The following CNOT4 variants were observed in gnomAD, a reference collection of about 807,000 sequenced individuals.
CNOT4 encodes CCR4-NOT transcription complex subunit 4.
Under a neutral mutation model 73.8 loss-of-function variants are expected in CNOT4, and 8 were observed. The ratio of observed to expected loss-of-function variants is 0.11; its 90% CI spans 0.06 to 0.20. CNOT4 has a LOEUF of 0.20. CNOT4 is among the 10% of genes least tolerant of loss of function. The pLI is 1.00. For missense variants in CNOT4, 564 were observed against 883.4 expected, an observed-to-expected ratio of 0.64 and a Z score of 4.58; for synonymous variants, 293 against 321.1, an observed-to-expected ratio of 0.91 and a Z score of 0.94.
chr7:135,407,396 T>C (rs1373810122), intron 7 of CNOT4, among the ~76,000 whole-genome samples: 1 of 152,090 alleles, frequency 6.6e-6, no homozygotes, highest in African/African-American at 2.4e-5. Context: ...TCTCAATAAA[T>C]GAGGAATAAC....
chr7:135,391,702 A>G (rs1796410766), intron 10 of CNOT4, among the ~76,000 whole-genome samples: 1 of 152,044 alleles, frequency 6.6e-6, no homozygotes, highest in South Asian at 2.1e-4. Context: ...TAAACTCACT[A>G]ATCAGCGATT....
chr7:135,451,613 AG>A (rs1800171607), intron 1 of CNOT4, among the ~76,000 whole-genome samples: 1 of 152,168 alleles, frequency 6.6e-6, no homozygotes, highest in Non-Finnish European at 1.5e-5. Context: ...ACACTAAAAA[AG>A]AAATCATACA....
chr7:135,464,032 A>AAAAC (rs1223539013), intron 1 of CNOT4, among the ~76,000 whole-genome samples: 1 of 151,554 alleles, frequency 6.6e-6, no homozygotes, highest in African/African-American at 2.4e-5. Context: ...GTCAAAAAAA[A>AAAAC]AAAAAAAACA....
At chr7:135,378,755 G>A (rs531947354) in intron 10 of CNOT4, among the ~76,000 whole-genome samples, 105 of 152,148 alleles carry the variant, frequency 6.9e-4, no homozygotes, top group Non-Finnish European at 1.2e-3. Flanking sequence ...GGTGGCCAAG[G>A]CACATGGATC....
intron 1 of CNOT4, among the ~76,000 whole-genome samples, chr7:135,506,188 G>C (rs1384382065): frequency 6.6e-6 from 1 of 152,136 alleles, no homozygotes; most frequent in Non-Finnish European, 1.5e-5. Context: ...ATCTCAGAAT[G>C]TGTTAAACAA....
intron 10 of CNOT4, chr7:135,388,024 C>T: frequency 3.0e-6 from 3 of 985,286 alleles, no homozygotes; most frequent in Non-Finnish European, 3.6e-6. Context: ...TTTTCACATA[C>T]AATGTTTACT....
intron 1 of CNOT4, among the ~76,000 whole-genome samples, chr7:135,486,325 T>C (rs1371044380): frequency 6.6e-6 from 1 of 152,090 alleles, no homozygotes; most frequent in African/African-American, 2.4e-5. Flanking sequence ...TCTTTAGCCA[T>C]TAGGGAATGC....
Position 135,414,537 on chromosome 7 carries a change from T to C in CNOT4, c.460-105A>G, listed in dbSNP as rs550625404. The stretch of plus-strand genomic sequence containing the variant: ...ATTCTAAAGACCCTGACTACTACTA[T>C]TACTAATGACAATAATTAGTAGTAG... On this transcript the variant is annotated intron_variant, in intron 4 of 11. Transcript: ENST00000541284. The C allele has an allele frequency of 1.0e-4, 62 of 608,836 alleles. 1 individual carries two copies. Among genetic ancestry groups the C allele is most frequent in the African/African-American group, 9.3e-4 (50 of 53,958 alleles). The allele number at this position is 608,836 out of a possible 1,614,324, so 37.7% of individuals were successfully genotyped here.
At chr7:135,375,874 G>A (rs1295440849) in intron 10 of CNOT4, among the ~76,000 whole-genome samples, 4 of 152,124 alleles carry the variant, frequency 2.6e-5, no homozygotes, top group South Asian at 2.1e-4. Flanking sequence ...GCAGTGAGCC[G>A]AGATCGTGCC....
At chr7:135,483,588 A>G (rs1424185261) in intron 1 of CNOT4, among the ~76,000 whole-genome samples, 1 of 151,854 alleles carries the variant, frequency 6.6e-6, no homozygotes, top group Admixed American at 6.6e-5. Context: ...ACTTTGGGAG[A>G]GCAGGGAGGG....
intron 1 of CNOT4, among the ~76,000 whole-genome samples, chr7:135,492,675 TA>T (rs1803193367): frequency 6.6e-6 from 1 of 152,164 alleles, no homozygotes; most frequent in African/African-American, 2.4e-5. Context: ...CTCACACTTG[TA>T]ATCCCAGCTC....
At chr7:135,444,475 G>C in intron 1 of CNOT4, 1 of 789,310 alleles carries the variant, frequency 1.3e-6, no homozygotes. Flanking sequence ...TGGAGGCTGA[G>C]TGCCCTTTGC....
intron 1 of CNOT4, among the ~76,000 whole-genome samples, chr7:135,470,843 G>T (rs1324425474): frequency 1.3e-5 from 2 of 152,166 alleles, no homozygotes; most frequent in African/African-American, 4.8e-5. Context: ...GAGTAGGAAG[G>T]AGTATGAGAG....
At chr7:135,419,384 G>T (rs558185102) in intron 3 of CNOT4, among the ~76,000 whole-genome samples, 8 of 152,164 alleles carry the variant, frequency 5.3e-5, no homozygotes, top group African/African-American at 1.9e-4. Flanking sequence ...GTTTTCGAGT[G>T]AAGCCAACTT....
chr7:135,391,660 C>T (rs947713991), intron 10 of CNOT4, among the ~76,000 whole-genome samples: 11 of 152,100 alleles, frequency 7.2e-5, no homozygotes, highest in South Asian at 2.1e-4. Flanking sequence ...CTACTTTAGA[C>T]GAAGATTTTA....
intron 10 of CNOT4, among the ~76,000 whole-genome samples, chr7:135,379,545 G>T (rs1164980967): frequency 6.6e-6 from 1 of 152,150 alleles, no homozygotes; most frequent in Non-Finnish European, 1.5e-5. Flanking sequence ...GGATTGGGGG[G>T]AGTAGGGTAT....
At chr7:135,448,879 A>G (rs1047054354) in intron 1 of CNOT4, among the ~76,000 whole-genome samples, 1 of 152,172 alleles carries the variant, frequency 6.6e-6, no homozygotes, top group African/African-American at 2.4e-5. Context: ...ACTTGAAGAC[A>G]GATTGATAGA....
At chr7:135,407,387 C>A (rs983051880) in intron 7 of CNOT4, among the ~76,000 whole-genome samples, 1 of 152,024 alleles carries the variant, frequency 6.6e-6, no homozygotes, top group Non-Finnish European at 1.5e-5. Context: ...GGAAAAAAGT[C>A]TCAATAAATG....
chr7:135,383,459 T>C (rs1250573057), intron 10 of CNOT4, among the ~76,000 whole-genome samples: 2 of 152,210 alleles, frequency 1.3e-5, no homozygotes, highest in Admixed American at 1.3e-4. Flanking sequence ...CATGTCCTCC[T>C]ACGATGCTTT....
Sources: allele counts gnomAD v4.1 joint callset (sites outside exome capture counted in the v4.1 genomes callset), GRCh38; gene constraint gnomAD v4.1.1; transcripts MANE v1.5; gene names NCBI Gene and HGNC (gene_info 2026-07-23, HGNC 2026-07-21).